KMT2C: variants seen among roughly 807,000 people sequenced by gnomAD.
The protein encoded by KMT2C is lysine methyltransferase 2C.
A neutral mutation model predicts 507.9 loss-of-function variants in KMT2C; 88 were observed. That is an observed-to-expected ratio of 0.17 (90% confidence interval 0.15 to 0.21). The LOEUF (loss-of-function observed/expected upper bound fraction) is 0.21. Among genes scored for constraint, KMT2C ranks in the 10% least tolerant of loss-of-function variants. The probability of loss-of-function intolerance (pLI) is 1.00; values close to 1 mark genes in which losing one functional copy is unlikely to be tolerated. For synonymous variants in KMT2C, 2,049 were observed against 2,080.8 expected (o/e 0.98, Z 0.42); for missense variants, 4,954 against 5,957.8 (o/e 0.83, Z 5.55).
intron 31 of KMT2C, among the ~76,000 whole-genome samples, chr7:152,188,603 T>TC (rs2093694590): frequency 7.0e-6 from 1 of 143,662 alleles, no homozygotes; most frequent in Non-Finnish European, 1.5e-5. Flanking sequence ...TATGATTCTT[T>TC]CCTTTTTTTT....
intron 23 of KMT2C, among the ~76,000 whole-genome samples, chr7:152,211,752 G>T (rs1393037801): frequency 6.6e-6 from 1 of 152,108 alleles, no homozygotes; most frequent in Non-Finnish European, 1.5e-5. Flanking sequence ...CTGAAATAAA[G>T]AAAAAGACCG....
At chr7:152,411,512 A>G (rs6964802) in intron 1 of KMT2C, among the ~76,000 whole-genome samples, 7,227 of 150,396 alleles carry the variant, frequency 0.048, 65 homozygotes, top group African/African-American at 0.1. Context: ...TCCCACCTCC[A>G]CACCATCTAT....
chr7:152,175,231 C>T (rs1023442479), intron 38 of KMT2C, among the ~76,000 whole-genome samples: 1 of 151,766 alleles, frequency 6.6e-6, no homozygotes, highest in Non-Finnish European at 1.5e-5. Flanking sequence ...CTGCAACTTC[C>T]GCCTCCTGGG....
At chr7:152,295,408 G>A (rs1040422963) in intron 6 of KMT2C, among the ~76,000 whole-genome samples, 8 of 152,028 alleles carry the variant, frequency 5.3e-5, no homozygotes, top group African/African-American at 1.7e-4. Flanking sequence ...TCATTCTTAC[G>A]TATGTGCCAT....
chr7:152,415,510 A>C (rs1262623364), intron 1 of KMT2C, among the ~76,000 whole-genome samples: 1 of 152,178 alleles, frequency 6.6e-6, no homozygotes, highest in African/African-American at 2.4e-5. Context: ...TAATGATACG[A>C]AACAGTTAGA....
intron 8 of KMT2C, among the ~76,000 whole-genome samples, chr7:152,264,692 T>C (rs1297478953): frequency 6.6e-6 from 1 of 152,122 alleles, no homozygotes; most frequent in Non-Finnish European, 1.5e-5. Context: ...TTTATTCTTC[T>C]GTTTGTTTTA....
chr7:152,423,276 G>A (rs1405226321), intron 1 of KMT2C, among the ~76,000 whole-genome samples: 1 of 151,590 alleles, frequency 6.6e-6, no homozygotes, highest in Non-Finnish European at 1.5e-5. Flanking sequence ...GGAGGCGGAG[G>A]TTGCAGTGAG....
At chr7:152,271,884 GTCT>G (rs1037767852) in intron 7 of KMT2C, among the ~76,000 whole-genome samples, 4 of 151,882 alleles carry the variant, frequency 2.6e-5, no homozygotes, top group Non-Finnish European at 5.9e-5. Context: ...ATCAAGTGAC[GTCT>G]TGTTATAAAT....
Position 152,148,655 on chromosome 7 carries a change from C to T in KMT2C, c.13272G>A (p.Leu4424=), listed in dbSNP as rs537387774. 3.5e-5 allele frequency: 56 copies of T among 1,614,196 alleles called. No homozygotes were observed. In the East Asian group the frequency reaches 1.2e-3, roughly 33 times the overall value. Residue 4424 remains leucine (L), a synonymous_variant, in exon 52 of 59, where the codon TTG becomes TTA. Transcript: ENST00000262189. The surrounding 1 kb of genome is among the most constrained non-coding windows in gnomAD (Gnocchi z 7.1). ...CGCAGTTCAAGTGGACCCACAGATC[C>T]AAGTCAAGGTTGAGTAGCCTTGCTG... ...DGPARLLNLD[L]DLWVHLNCAL...
chr7:152,380,359 G>A (rs2097362970), intron 1 of KMT2C, among the ~76,000 whole-genome samples: 1 of 152,270 alleles, frequency 6.6e-6, no homozygotes, highest in African/African-American at 2.4e-5. Context: ...CCTGAGGTCA[G>A]GAGTTCAAGG....
Position 152,148,414 on chromosome 7 carries a change from T to C in KMT2C, c.13513A>G (p.Met4505Val), listed in dbSNP as rs1338474545. Residue 4505 changes from methionine (M) to valine (V), a missense_variant, in exon 52 of 59, where the codon ATG becomes GTG. Met to Val is a conservative substitution (Grantham distance 21). This residue lies in a region of KMT2C where 221 missense variants were observed against 304.7 expected (regional missense o/e 0.73). Coordinates refer to ENST00000262189, the MANE Select transcript of KMT2C (RefSeq NM_170606.3). The surrounding 1 kb of genome is among the most constrained non-coding windows in gnomAD (Gnocchi z 7.1). ...FFKDKTMLCP[M>V]HKPKGIHEQE... ...TCATGAATTCCCTTTGGTTTGTGCA[T>C]GGGGCAAAGCATAGTTTTGTCCTTA... 1.9e-6 allele frequency: 3 copies of C among 1,614,262 alleles called. No homozygotes were observed. Among genetic ancestry groups the C allele is most frequent in the South Asian group, 1.1e-5 (1 of 91,084 alleles).
intron 7 of KMT2C, among the ~76,000 whole-genome samples, chr7:152,267,642 A>G (rs961769872): frequency 6.6e-6 from 1 of 152,250 alleles, no homozygotes; most frequent in African/African-American, 2.4e-5. Context: ...TATCTTCTGC[A>G]TCAAATCATC....
intron 6 of KMT2C, among the ~76,000 whole-genome samples, chr7:152,277,682 G>A (rs200597999): frequency 2.0e-5 from 3 of 151,862 alleles, no homozygotes; most frequent in Admixed American, 2.0e-4. Flanking sequence ...AATTCTTGGA[G>A]CCACATAAAA....
At chr7:152,287,274 C>G (rs2096316532) in intron 6 of KMT2C, among the ~76,000 whole-genome samples, 1 of 152,208 alleles carries the variant, frequency 6.6e-6, no homozygotes, top group Non-Finnish European at 1.5e-5. Context: ...GATAACTTAA[C>G]CACCCCTCCA....
chr7:152,163,904 T>C, intron 42 of KMT2C, 78 bp from the exon 43 acceptor site: 1 of 1,421,814 alleles, frequency 7.0e-7, no homozygotes, highest in Non-Finnish European at 9.9e-7. Flanking sequence ...ATGACTGTGG[T>C]TGAGGTTACA....
At chr7:152,379,035 C>A (rs1026423838) in intron 1 of KMT2C, among the ~76,000 whole-genome samples, 2 of 152,192 alleles carry the variant, frequency 1.3e-5, no homozygotes, top group African/African-American at 4.8e-5. Context: ...CCTTCAACAG[C>A]CTGGTCTGTA....
chr7:152,250,404 A>G (rs949082423), intron 12 of KMT2C, among the ~76,000 whole-genome samples: 2 of 152,198 alleles, frequency 1.3e-5, no homozygotes, highest in Admixed American at 1.3e-4. Flanking sequence ...TTAATTCCAG[A>G]TCTGCAAGTA....
chr7:152,165,407 C>A (rs145156583), intron 42 of KMT2C, among the ~76,000 whole-genome samples: 143 of 152,226 alleles, frequency 9.4e-4, no homozygotes, highest in Non-Finnish European at 1.6e-3. Context: ...ACAAATATGC[C>A]AGATGGCAAT....
At chr7:152,145,335 A>G (rs1563134220) in intron 53 of KMT2C, 40 bp from the exon 54 acceptor site, 1 of 1,603,704 alleles carries the variant, frequency 6.2e-7, no homozygotes, top group Admixed American at 1.7e-5. Context: ...ACCCCATCTG[A>G]TGGAGACTAC....
Sources: gnomAD v4.1 joint callset for allele counts (sites outside exome capture counted in the v4.1 genomes callset) on GRCh38, gnomAD v4.1.1 for gene constraint, gnomAD v4.1.1 regional missense constraint, Gnocchi (gnomAD v3.1) non-coding constraint, MANE v1.5 for transcripts, NCBI Gene and HGNC (gene_info 2026-07-23, HGNC 2026-07-21) for gene names.